RELN: variants seen among roughly 807,000 people sequenced by gnomAD.
The protein encoded by RELN is reelin.
RELN carries 108 observed loss-of-function variants against 427.6 expected under a neutral mutation model. The observed-to-expected ratio is 0.25, with a 90% CI of 0.22 to 0.30. The LOEUF (loss-of-function observed/expected upper bound fraction) is 0.30. RELN is among the 10% of genes least tolerant of loss of function. The pLI is 1.00. For missense variants in RELN, 3,715 were observed against 4,302.8 expected, an observed-to-expected ratio of 0.86 and a Z score of 3.82; for synonymous variants, 1,524 against 1,513.4, an observed-to-expected ratio of 1.01 and a Z score of -0.16.
At chr7:103,830,242 A>G (rs1245856779) in intron 3 of RELN, among the ~76,000 whole-genome samples, 2 of 152,000 alleles carry the variant, frequency 1.3e-5, no homozygotes, top group African/African-American at 4.8e-5. Context: ...TCTATAGTTC[A>G]GCATTAGAAA....
chr7:103,957,985 G>C (rs1796469831), intron 1 of RELN, among the ~76,000 whole-genome samples: 1 of 152,180 alleles, frequency 6.6e-6, no homozygotes, highest in South Asian at 2.1e-4. Flanking sequence ...TTCAGACTCA[G>C]ACCCCTTCAG....
rs992086468 is a variant in RELN at position 103,620,814 on chromosome 7, C to T, written c.2703-9011G>A. Among the ~76,000 whole-genome samples, 1 of 152,084 alleles carries T rather than the reference C, an allele frequency of 6.6e-6. No individual in the cohort carries two copies. The highest frequency in any genetic ancestry group is 1.5e-5 in the Non-Finnish European group (1 of 67,998). ...TTATACCACTTCTCATTAGGATTTG[C>T]CCTTTCAACACACTCCTGTCTCTCT... On this transcript the variant is annotated intron_variant, in intron 20 of 64. Transcript: ENST00000428762. This position sits in a 1 kb window ranked among gnomAD's most constrained non-coding sequence, Gnocchi z 4.1.
At chr7:103,660,700 A>T (rs1833121433) in intron 12 of RELN, among the ~76,000 whole-genome samples, 1 of 152,146 alleles carries the variant, frequency 6.6e-6, no homozygotes, top group African/African-American at 2.4e-5. Context: ...TCACTCAACA[A>T]AGAAGGCATG....
At chr7:103,735,816 G>A (rs1790477736) in intron 6 of RELN, among the ~76,000 whole-genome samples, 1 of 152,080 alleles carries the variant, frequency 6.6e-6, no homozygotes, top group East Asian at 1.9e-4. Flanking sequence ...TATTGCCACT[G>A]AAGGAGTCAG....
chr7:103,862,062 A>G (rs1794082735), intron 2 of RELN, among the ~76,000 whole-genome samples: 1 of 152,192 alleles, frequency 6.6e-6, no homozygotes, highest in Admixed American at 6.6e-5. Context: ...CCCATCAGTT[A>G]CAGCTCACTG....
At chr7:103,756,718 C>G (rs1360935870) in intron 4 of RELN, among the ~76,000 whole-genome samples, 1 of 151,992 alleles carries the variant, frequency 6.6e-6, no homozygotes, top group Non-Finnish European at 1.5e-5. Flanking sequence ...TAATTTAACT[C>G]AACAAATTTA....
chr7:103,597,770 G>T (rs1258016621), intron 24 of RELN, among the ~76,000 whole-genome samples: 2 of 152,182 alleles, frequency 1.3e-5, no homozygotes, highest in African/African-American at 2.4e-5. Flanking sequence ...CCAAGAACTT[G>T]CTTCCTTTGC....
intron 46 of RELN, among the ~76,000 whole-genome samples, chr7:103,527,949 T>C (rs987403177): frequency 1.9e-4 from 29 of 152,104 alleles, no homozygotes; most frequent in African/African-American, 7.0e-4. Context: ...TATGGGGAAA[T>C]TAGAATCCTC....
chr7:103,822,167 T>G (rs1001207766), intron 3 of RELN, among the ~76,000 whole-genome samples: 1 of 152,088 alleles, frequency 6.6e-6, no homozygotes, highest in Non-Finnish European at 1.5e-5. Flanking sequence ...ATTGTTTTTC[T>G]TTTAACTTTG....
chr7:103,616,677 T>A (rs2299346), intron 20 of RELN, among the ~76,000 whole-genome samples: 80,168 of 151,914 alleles, frequency 0.53, 21,337 homozygotes, highest in Middle Eastern at 0.59. Context: ...TACTTTTTTT[T>A]AAAAAATTAT....
chr7:103,478,619 T>C (rs1459337891), intron 63 of RELN: 1 of 492,332 alleles, frequency 2.0e-6, no homozygotes, highest in Non-Finnish European at 3.6e-6. Flanking sequence ...CAATATTTGC[T>C]CATAACCATA....
intron 28 of RELN, among the ~76,000 whole-genome samples, chr7:103,587,220 A>T (rs1562906866): frequency 6.6e-6 from 1 of 152,190 alleles, no homozygotes; most frequent in East Asian, 1.9e-4. Context: ...TCCAGAAATA[A>T]AGCCCCAGAT....
chr7:103,810,264 C>T (rs1172325717), intron 3 of RELN, among the ~76,000 whole-genome samples: 1 of 152,032 alleles, frequency 6.6e-6, no homozygotes, highest in Non-Finnish European at 1.5e-5. Context: ...TGCCCCTTGC[C>T]CCAAGCGTTA....
intron 3 of RELN, among the ~76,000 whole-genome samples, chr7:103,801,137 T>A (rs891801249): frequency 6.6e-6 from 1 of 152,224 alleles, no homozygotes; most frequent in Non-Finnish European, 1.5e-5. Context: ...TTGGTGGGAC[T>A]GTAAACTAGT....
Position 103,692,778 on chromosome 7 carries a change from A to AT in RELN, c.1143+5074dup, listed in dbSNP as rs1035371571. ...GAATGACCAGTGGAAAAAGAGTGGC[A>AT]TTTTTTTTTTCTGTCACCTGTCCCC... On this transcript the variant is annotated intron_variant, in intron 10 of 64. Transcript: ENST00000428762. Among the ~76,000 whole-genome samples, 541 of 149,680 alleles carry AT rather than the reference A, an allele frequency of 3.6e-3. 3 individuals carry two copies. The highest frequency in any genetic ancestry group is 0.019 in the East Asian group (95 of 5,090).
chr7:103,565,667 C>T lies in RELN; in HGVS notation c.4937-116G>A, dbSNP rs576798055. ...CAAAAATCATGGCCTATCTTTAGTG[C>T]CCCCTATGTGCTTTGACTTTTCTTC... is the stretch of plus-strand genomic sequence containing the variant. On this transcript the variant is annotated intron_variant, in intron 33 of 64. Transcript: ENST00000428762. The T allele has an allele frequency of 3.0e-5, 28 of 937,524 alleles. No homozygotes were observed. The East Asian group carries it at 5.2e-4, about 17-fold the overall frequency. The allele number at this position is 937,524 out of a possible 1,614,324, so 58.1% of individuals were successfully genotyped here. A position where few individuals can be genotyped will look rare whatever the true frequency, so the allele number is the denominator to read the frequency against.
At chr7:103,861,596 A>G (rs1794073143) in intron 2 of RELN, among the ~76,000 whole-genome samples, 1 of 152,202 alleles carries the variant, frequency 6.6e-6, no homozygotes, top group African/African-American at 2.4e-5. Flanking sequence ...TTTACATTCC[A>G]AAGCAAAAAG....
intron 8 of RELN, among the ~76,000 whole-genome samples, chr7:103,713,697 G>C (rs1347112775): frequency 6.6e-6 from 1 of 150,530 alleles, no homozygotes; most frequent in Non-Finnish European, 1.5e-5. Context: ...TGAATTTTGA[G>C]GTCAGTATTA....
intron 1 of RELN, among the ~76,000 whole-genome samples, chr7:103,987,111 A>G (rs1797119213): frequency 6.6e-6 from 1 of 151,498 alleles, no homozygotes; most frequent in African/African-American, 2.4e-5. Flanking sequence ...TAAGGCCTAT[A>G]GCTACAGCTA....
Sources: allele counts gnomAD v4.1 joint callset (sites outside exome capture counted in the v4.1 genomes callset), GRCh38; gene constraint gnomAD v4.1.1; non-coding constraint Gnocchi (gnomAD v3.1); transcripts MANE v1.5; gene names NCBI Gene and HGNC (gene_info 2026-07-23, HGNC 2026-07-21).